Variants in QTMAN observed in about 807,000 individuals in gnomAD.
The protein encoded by QTMAN is tRNA-queuosine alpha-mannosyltransferase.
At chr2:144,076,310 G>A in the QTMAN span, among the ~76,000 whole-genome samples, 3 of 152,142 alleles carry the variant, frequency 2.0e-5, no homozygotes, top group Admixed American at 2.0e-4. Context: ...ACAAATCACT[G>A]CACTGGAAAA....
At chr2:144,237,047 G>A in the QTMAN span, among the ~76,000 whole-genome samples, 10 of 152,178 alleles carry the variant, frequency 6.6e-5, no homozygotes, top group South Asian at 1.5e-3. Context: ...CATTTACCAC[G>A]CACTGCACTC....
chr2:144,271,342 C>T, the QTMAN span, among the ~76,000 whole-genome samples: 1 of 152,188 alleles, frequency 6.6e-6, no homozygotes, highest in African/African-American at 2.4e-5. Context: ...AACATATAAT[C>T]CATGCTGCTT....
At chr2:143,961,883 T>G in the QTMAN span, among the ~76,000 whole-genome samples, 1 of 152,142 alleles carries the variant, frequency 6.6e-6, no homozygotes, top group Non-Finnish European at 1.5e-5. Flanking sequence ...TACCAGTTAC[T>G]TGCAGCTGGT....
the QTMAN span, chr2:144,208,592 G>C: frequency 6.2e-7 from 1 of 1,607,558 alleles, no homozygotes; most frequent in Non-Finnish European, 8.5e-7. Flanking sequence ...TGCATCCTGA[G>C]CTCTAATTAC....
At chr2:144,272,737 G>A in the QTMAN span, among the ~76,000 whole-genome samples, 1 of 152,050 alleles carries the variant, frequency 6.6e-6, no homozygotes, top group African/African-American at 2.4e-5. Flanking sequence ...GTGTGTGTGT[G>A]CATGCATGCG....
chr2:144,147,011 C>T, the QTMAN span, among the ~76,000 whole-genome samples: 1 of 151,782 alleles, frequency 6.6e-6, no homozygotes, highest in Non-Finnish European at 1.5e-5. Flanking sequence ...AAATATCATC[C>T]TTGTTATTAC....
the QTMAN span, among the ~76,000 whole-genome samples, chr2:144,234,815 C>T: frequency 5.9e-5 from 9 of 152,272 alleles, no homozygotes; most frequent in African/African-American, 2.2e-4. Context: ...AAGTCACGAT[C>T]TGTGTTGAGA....
chr2:144,260,384 T>C, the QTMAN span, among the ~76,000 whole-genome samples: 3 of 152,116 alleles, frequency 2.0e-5, no homozygotes, highest in Non-Finnish European at 4.4e-5. Context: ...TCTGAAGTGA[T>C]GTTCCAAGAT....
chr2:144,177,077 G>C, the QTMAN span: 1 of 555,070 alleles, frequency 1.8e-6, no homozygotes, highest in South Asian at 1.6e-5. Context: ...CTATCACAAG[G>C]ACAGCACCAA....
chr2:144,055,255 T>C, the QTMAN span, among the ~76,000 whole-genome samples: 4 of 151,892 alleles, frequency 2.6e-5, no homozygotes, highest in East Asian at 5.8e-4. Flanking sequence ...TTTTTGTCCT[T>C]TGAAGTCAAA....
chr2:144,252,509 A>G, the QTMAN span, among the ~76,000 whole-genome samples: 2 of 152,256 alleles, frequency 1.3e-5, no homozygotes, highest in Non-Finnish European at 2.9e-5. Flanking sequence ...TTAATAGGAA[A>G]TCACAAAATG....
At chr2:144,177,124 C>T in the QTMAN span, 1 of 702,066 alleles carries the variant, frequency 1.4e-6, no homozygotes. Flanking sequence ...TCACCTCCCA[C>T]CAGGCCTCAC....
the QTMAN span, among the ~76,000 whole-genome samples, chr2:144,067,176 A>C: frequency 2.0e-5 from 3 of 152,244 alleles, no homozygotes; most frequent in African/African-American, 7.2e-5. Context: ...TCAGAAAGAC[A>C]TAATATCTTG....
chr2:143,995,657 T>C, the QTMAN span, among the ~76,000 whole-genome samples: 11 of 152,210 alleles, frequency 7.2e-5, no homozygotes, highest in Non-Finnish European at 1.3e-4. Context: ...TACTATGCTA[T>C]AACTATAACT....
chr2:144,258,778 A>T, the QTMAN span, among the ~76,000 whole-genome samples: 1 of 152,188 alleles, frequency 6.6e-6, no homozygotes, highest in Non-Finnish European at 1.5e-5. Flanking sequence ...GTAAAAAAAA[A>T]TAAAGAAATG....
the QTMAN span, among the ~76,000 whole-genome samples, chr2:144,101,736 G>A: frequency 7.9e-5 from 12 of 151,586 alleles, no homozygotes; most frequent in African/African-American, 2.9e-4. Flanking sequence ...TTCCCTTTTT[G>A]AATGTAAAAA....
chr2:144,012,983 G>T, the QTMAN span, among the ~76,000 whole-genome samples: 11 of 152,002 alleles, frequency 7.2e-5, no homozygotes, highest in Admixed American at 1.3e-4. Flanking sequence ...GGGGAGGGAG[G>T]AGTAGTAGAG....
chr2:144,022,176 T>G, the QTMAN span, among the ~76,000 whole-genome samples: 2 of 152,226 alleles, frequency 1.3e-5, no homozygotes, highest in Admixed American at 6.5e-5. Context: ...CAAAAATCTC[T>G]CTGAATATTG....
At chr2:144,321,764 G>T in the QTMAN span, among the ~76,000 whole-genome samples, 17 of 151,998 alleles carry the variant, frequency 1.1e-4, no homozygotes, top group Non-Finnish European at 1.8e-4. Flanking sequence ...TACCACACCG[G>T]GCTAATTTTT....
Sources: gnomAD v4.1 joint callset for allele counts (sites outside exome capture counted in the v4.1 genomes callset) on GRCh38, gnomAD v4.1.1 for gene constraint, MANE v1.5 for transcripts, NCBI Gene and HGNC (gene_info 2026-07-23, HGNC 2026-07-21) for gene names.